The following DPT variants were observed in gnomAD, a reference collection of about 807,000 sequenced individuals.
DPT encodes the protein dermatopontin.
In DPT, 21 loss-of-function variants were observed where a neutral mutation model predicts 31.2. The ratio of observed to expected loss-of-function variants is 0.67; its 90% CI spans 0.48 to 0.97. DPT has a LOEUF of 0.97. Among genes scored for constraint, DPT ranks in the 50% least tolerant of loss-of-function variants. The pLI is 0.00. For synonymous variants in DPT, 91 were observed against 86.9 expected, an observed-to-expected ratio of 1.05 and a Z score of -0.26; for missense variants, 262 against 258.8, an observed-to-expected ratio of 1.01 and a Z score of -0.08.
chr1:168,724,754 A>G (rs1650199432), intron 1 of DPT, among the ~76,000 whole-genome samples: 1 of 152,092 alleles, frequency 6.6e-6, no homozygotes, highest in Admixed American at 6.6e-5. Context: ...AGATTAGGGA[A>G]ATAGTCCGAC....
Position 168,696,018 on chromosome 1 carries a change from T to C in DPT, c.*531A>G, listed in dbSNP as rs12145325. ...TCCTCACTCCTGGAGCAAAGAGCTCTGCACTTGGATTGCTAAGCATGCATG... is the reference window on the plus strand; with the variant it reads ...TCCTCACTCCTGGAGCAAAGAGCTCCGCACTTGGATTGCTAAGCATGCATG... On this transcript the variant is annotated 3_prime_UTR_variant, in exon 4 of 4. Coordinates refer to ENST00000367817, the MANE Select transcript of DPT (RefSeq NM_001937.5). 0.11 allele frequency: 45,045 copies of C among 394,082 alleles called. 3,055 individuals are homozygous for C. Among genetic ancestry groups the C allele is most frequent in the African/African-American group, 0.23 (11,307 of 48,602 alleles). 24.4% of individuals were successfully genotyped at this position (394,082 alleles called of 1,614,324 possible).
chr1:168,697,542 T>C (rs935943572), intron 3 of DPT, among the ~76,000 whole-genome samples: 24 of 152,260 alleles, frequency 1.6e-4, no homozygotes, highest in Non-Finnish European at 2.9e-4. Context: ...TTTTGAAAAA[T>C]GTGGTGTGGA....
At chr1:168,698,719 C>T (rs1649519259) in intron 3 of DPT, among the ~76,000 whole-genome samples, 1 of 152,140 alleles carries the variant, frequency 6.6e-6, no homozygotes, top group South Asian at 2.1e-4. Flanking sequence ...GACCCTGAAA[C>T]AAAGAAATAT....
chr1:168,700,890 CGTGTGTGTGTGTGTGTGGGTGTGTGTGT>C, intron 3 of DPT, 99 bp downstream of exon 3: 1 of 540,012 alleles, frequency 1.9e-6, no homozygotes. Flanking sequence ...TTGTATTCTA[CGTGTGTGTGTGTGTGTGGGTGTGTGTGT>C]GTGTGTGTGT....
At chr1:168,698,282 A>G (rs534827658) in intron 3 of DPT, among the ~76,000 whole-genome samples, 7 of 152,298 alleles carry the variant, frequency 4.6e-5, no homozygotes, top group Admixed American at 4.6e-4. Flanking sequence ...TGGGTGATCA[A>G]CTTGAGGGTC....
chr1:168,716,311 G>A lies in DPT; in HGVS notation c.306-1965C>T, dbSNP rs368126147. On this transcript the variant is annotated intron_variant, in intron 1 of 3. Transcript: ENST00000367817. ...GTATCAATCACTTTGCTATTATGTTGTGAGAAGAATTGAGAGATGGGCTCG... is the reference window on the plus strand; with the variant it reads ...GTATCAATCACTTTGCTATTATGTTATGAGAAGAATTGAGAGATGGGCTCG... 8.6e-5 allele frequency among the ~76,000 whole-genome samples: 13 copies of A among 151,996 alleles called. No individual in the cohort carries two copies. In the South Asian group the frequency reaches 2.3e-3, roughly 27 times the overall value.
intron 1 of DPT, among the ~76,000 whole-genome samples, chr1:168,715,151 G>T (rs1182589722): frequency 2.0e-5 from 3 of 152,026 alleles, no homozygotes; most frequent in Admixed American, 6.6e-5. Context: ...ATATATAACC[G>T]CTCCACTCCA....
intron 1 of DPT, among the ~76,000 whole-genome samples, chr1:168,723,156 G>C (rs1165122159): frequency 6.6e-6 from 1 of 152,204 alleles, no homozygotes; most frequent in Non-Finnish European, 1.5e-5. Context: ...TCATCCTTAG[G>C]TGGATTTGAT....
chr1:168,715,787 G>A (rs1259481297), intron 1 of DPT, among the ~76,000 whole-genome samples: 1 of 152,150 alleles, frequency 6.6e-6, no homozygotes, highest in Non-Finnish European at 1.5e-5. Flanking sequence ...TATAGCATGA[G>A]CTCTTTCACA....
At chr1:168,721,505 C>T (rs1650113000) in intron 1 of DPT, among the ~76,000 whole-genome samples, 1 of 152,146 alleles carries the variant, frequency 6.6e-6, no homozygotes, top group Admixed American at 6.5e-5. Context: ...ACATCACTTT[C>T]AGTAAATATT....
intron 1 of DPT, 122 bp downstream of exon 1, chr1:168,728,748 G>A: frequency 8.0e-7 from 1 of 1,253,536 alleles, no homozygotes. Context: ...CAGTGGTGAG[G>A]TTTGGGGTGG....
At chr1:168,713,956 G>A (rs1288400538) in intron 2 of DPT, among the ~76,000 whole-genome samples, 3 of 152,264 alleles carry the variant, frequency 2.0e-5, no homozygotes, top group African/African-American at 7.2e-5. Context: ...TTCCCACAGA[G>A]TAGGTGGGTG....
chr1:168,697,515 T>C (rs540135827), intron 3 of DPT, among the ~76,000 whole-genome samples: 2 of 152,376 alleles, frequency 1.3e-5, no homozygotes, highest in African/African-American at 2.4e-5. Context: ...GGGAAGAGTG[T>C]ACATAGCATT....
At chr1:168,704,541 C>A (rs888885276) in intron 2 of DPT, among the ~76,000 whole-genome samples, 18 of 151,954 alleles carry the variant, frequency 1.2e-4, no homozygotes, top group African/African-American at 4.4e-4. Context: ...AGCGAGACTC[C>A]GTCTCAAACA....
At chr1:168,723,110 C>T (rs1650161632) in intron 1 of DPT, among the ~76,000 whole-genome samples, 1 of 152,228 alleles carries the variant, frequency 6.6e-6, no homozygotes, top group African/African-American at 2.4e-5. Context: ...TGTCATAACC[C>T]TATTCTCCCA....
At chr1:168,700,908 GGT>G (rs61401056) in intron 3 of DPT, 107 bp downstream of exon 3, 4,917 of 106,658 alleles carry the variant, frequency 0.046, no homozygotes, top group East Asian at 0.065. Flanking sequence ...TGTGTGTGTG[GGT>G]GTGTGTGTGT....
intron 2 of DPT, among the ~76,000 whole-genome samples, chr1:168,702,016 A>G (rs375913418): frequency 2.0e-5 from 3 of 151,442 alleles, no homozygotes; most frequent in Admixed American, 1.3e-4. Flanking sequence ...CCTTCATATG[A>G]GTAGGTCCAT....
chr1:168,706,100 T>C (rs1288351550), intron 2 of DPT, among the ~76,000 whole-genome samples: 1 of 152,244 alleles, frequency 6.6e-6, no homozygotes, highest in Admixed American at 6.5e-5. Context: ...ATCAGCACTA[T>C]ATATTTAGCA....
chr1:168,711,174 C>A (rs1027381452), intron 2 of DPT, among the ~76,000 whole-genome samples: 1 of 81,606 alleles, frequency 1.2e-5, no homozygotes, highest in Admixed American at 1.1e-4. Context: ...CCAAGCCTGG[C>A]TAATTTTTTT....
Sources: gnomAD v4.1 joint callset for allele counts (sites outside exome capture counted in the v4.1 genomes callset) on GRCh38, gnomAD v4.1.1 for gene constraint, MANE v1.5 for transcripts, NCBI Gene and HGNC (gene_info 2026-07-23, HGNC 2026-07-21) for gene names.